Variants in GRIA4 observed in about 807,000 individuals in gnomAD.
The protein encoded by GRIA4 is glutamate ionotropic receptor AMPA type subunit 4, also known as glutamate receptor 4.
GRIA4 carries 34 observed loss-of-function variants against 104.0 expected under a neutral mutation model. The ratio of observed to expected loss-of-function variants is 0.33; its 90% CI spans 0.25 to 0.44. The LOEUF (loss-of-function observed/expected upper bound fraction) is 0.44, where lower values mean the gene tolerates loss of function less well. Ranked by LOEUF, GRIA4 falls within the 20% of genes least tolerant of loss-of-function variation. The probability of loss-of-function intolerance (pLI) is 1.00; values close to 1 mark genes in which losing one functional copy is unlikely to be tolerated. For missense variants in GRIA4, 750 were observed against 1,096.5 expected (o/e 0.68, Z 4.46); for synonymous variants, 386 against 381.9 (o/e 1.01, Z -0.13).
chr11:105,691,716 CAG>C (rs1365037366), intron 3 of GRIA4, among the ~76,000 whole-genome samples: 5 of 151,904 alleles, frequency 3.3e-5, no homozygotes, highest in Non-Finnish European at 7.4e-5. Flanking sequence ...GTGGGCGAAT[CAG>C]GGGGTCAAAA....
chr11:105,850,614 C>T (rs1000982630), intron 4 of GRIA4, among the ~76,000 whole-genome samples: 2 of 152,130 alleles, frequency 1.3e-5, no homozygotes, highest in African/African-American at 2.4e-5. Flanking sequence ...GACCACAGGG[C>T]AGCACTCACA....
At chr11:105,970,302 G>C (rs1858617460) in intron 14 of GRIA4, among the ~76,000 whole-genome samples, 2 of 151,482 alleles carry the variant, frequency 1.3e-5, no homozygotes, top group African/African-American at 4.8e-5. Context: ...TTGTATTTTA[G>C]AATTTTTTTC....
intron 4 of GRIA4, among the ~76,000 whole-genome samples, chr11:105,846,248 G>A (rs1944590652): frequency 6.6e-6 from 1 of 152,050 alleles, no homozygotes; most frequent in Admixed American, 6.6e-5. Context: ...AATTTGGAAA[G>A]CAAATTCATT....
chr11:105,746,171 A>G (rs1024703423), intron 3 of GRIA4, among the ~76,000 whole-genome samples: 5 of 152,170 alleles, frequency 3.3e-5, no homozygotes, highest in African/African-American at 1.2e-4. Context: ...AAGTAATTGT[A>G]TAATATTATT....
intron 3 of GRIA4, among the ~76,000 whole-genome samples, chr11:105,659,926 T>C (rs1187031275): frequency 3.3e-5 from 5 of 151,714 alleles, no homozygotes; most frequent in African/African-American, 1.2e-4. Context: ...AAGGTCATGA[T>C]AATGTGAATA....
At chr11:105,863,523 T>C (rs1384816932) in intron 5 of GRIA4, among the ~76,000 whole-genome samples, 2 of 152,142 alleles carry the variant, frequency 1.3e-5, no homozygotes, top group Admixed American at 6.6e-5. Context: ...TCAATGTATA[T>C]GAAATTTTTA....
At chr11:105,967,557 A>G (rs1049672549) in intron 14 of GRIA4, among the ~76,000 whole-genome samples, 2 of 152,218 alleles carry the variant, frequency 1.3e-5, no homozygotes, top group Admixed American at 6.5e-5. Flanking sequence ...TTCACCAAAC[A>G]TGAACTACAA....
intron 3 of GRIA4, among the ~76,000 whole-genome samples, chr11:105,668,692 T>TTTG (rs1952259823): frequency 6.6e-6 from 1 of 150,506 alleles, no homozygotes; most frequent in Non-Finnish European, 1.5e-5. Flanking sequence ...TTTTTTTTTT[T>TTTG]GAGATAGAGT....
At chr11:105,730,288 A>C (rs914491546) in intron 3 of GRIA4, among the ~76,000 whole-genome samples, 1 of 152,196 alleles carries the variant, frequency 6.6e-6, no homozygotes, top group East Asian at 1.9e-4. Context: ...AATTGCTACA[A>C]AGAGAATGAA....
intron 9 of GRIA4, among the ~76,000 whole-genome samples, chr11:105,906,193 C>G (rs1409345834): frequency 6.6e-6 from 1 of 152,086 alleles, no homozygotes; most frequent in East Asian, 1.9e-4. Context: ...TGCATGATTC[C>G]ATCCTCATGA....
At chr11:105,866,104 T>A (rs1201362366) in intron 5 of GRIA4, among the ~76,000 whole-genome samples, 1 of 152,180 alleles carries the variant, frequency 6.6e-6, no homozygotes, top group South Asian at 2.1e-4. Context: ...AGTGTTTTCA[T>A]TCTCTGAGAG....
At position 105,747,099 on chromosome 11, in the gene GRIA4, T is replaced by G. The variant is rs1473949648; in HGVS notation, c.248-5882T>G. Reference sequence around the variant, plus strand: ...TCTCAAGTGAACTTTCTGTTCAAATTTGTACTATCTGCAATTTCTAGGAAC... The same window carrying G: ...TCTCAAGTGAACTTTCTGTTCAAATGTGTACTATCTGCAATTTCTAGGAAC... On this transcript the variant is annotated intron_variant, in intron 3 of 16. Coordinates refer to ENST00000282499, the MANE Select transcript of GRIA4 (RefSeq NM_000829.4). Among the ~76,000 whole-genome samples the G allele has an allele frequency of 2.6e-5, 4 of 152,228 alleles. No individual in the cohort carries two copies. In the East Asian group the frequency reaches 7.7e-4, roughly 29 times the overall value.
intron 11 of GRIA4, among the ~76,000 whole-genome samples, chr11:105,922,169 G>T (rs1441852412): frequency 1.3e-5 from 2 of 152,096 alleles, no homozygotes; most frequent in Non-Finnish European, 2.9e-5. Flanking sequence ...ATATGGAAAA[G>T]TGGGGGCAGA....
At chr11:105,953,526 G>T (rs1301267537) in intron 14 of GRIA4, among the ~76,000 whole-genome samples, 2 of 152,104 alleles carry the variant, frequency 1.3e-5, no homozygotes, top group Non-Finnish European at 2.9e-5. Context: ...TTTAATAACA[G>T]AATGAATAGT....
At chr11:105,620,866 T>G (rs1239418281) in intron 3 of GRIA4, among the ~76,000 whole-genome samples, 1 of 151,864 alleles carries the variant, frequency 6.6e-6, no homozygotes, top group Non-Finnish European at 1.5e-5. Context: ...AATGCTTCAT[T>G]TAAATATTTA....
chr11:105,902,325 C>A (rs1167432782), intron 7 of GRIA4, among the ~76,000 whole-genome samples: 1 of 150,582 alleles, frequency 6.6e-6, no homozygotes, highest in East Asian at 1.9e-4. Flanking sequence ...ACTTTCTTTT[C>A]TTTTCTTTTT....
Position 105,924,383 on chromosome 11 carries a change from G to A in GRIA4, c.1477-16G>A, listed in dbSNP as rs1236740904. On this transcript the variant is annotated splice_polypyrimidine_tract_variant and intron_variant, in intron 11 of 16. Transcript: ENST00000282499. The stretch of plus-strand genomic sequence containing the variant: ...TTCATTAACCTATGTGTCTCCATGT[G>A]TTTTTTCTCTTATAGAAAGCAGAGA... 2.6e-6 allele frequency: 4 copies of A among 1,558,626 alleles called. No homozygotes were observed. In the African/African-American group the frequency reaches 4.1e-5, roughly 16 times the overall value.
Position 105,921,952 on chromosome 11 carries a change from G to C in GRIA4, c.1477-2447G>C, listed in dbSNP as rs533704891. Among the ~76,000 whole-genome samples the C allele has an allele frequency of 7.9e-5, 12 of 151,936 alleles. No individual in the cohort carries two copies. The South Asian group carries it at 2.5e-3, about 32-fold the overall frequency. ...ATTTTTCTAGAACATGAAACCAAAG[G>C]CTGAAAACACACACAAAAATAATTT... On this transcript the variant is annotated intron_variant, in intron 11 of 16. Coordinates refer to ENST00000282499, the MANE Select transcript of GRIA4 (RefSeq NM_000829.4).
At chr11:105,839,531 C>T (rs940235577) in intron 4 of GRIA4, among the ~76,000 whole-genome samples, 1 of 149,104 alleles carries the variant, frequency 6.7e-6, no homozygotes, top group African/African-American at 2.5e-5. Flanking sequence ...CTCTTCCTTA[C>T]AAAACACATA....
Sources: allele counts gnomAD v4.1 joint callset (sites outside exome capture counted in the v4.1 genomes callset), GRCh38; gene constraint gnomAD v4.1.1; transcripts MANE v1.5; gene names NCBI Gene and HGNC (gene_info 2026-07-23, HGNC 2026-07-21).